Variants in MAP4K3 observed in about 807,000 individuals in gnomAD.
The protein encoded by MAP4K3 is mitogen-activated protein kinase kinase kinase kinase 3.
Under a neutral mutation model 143.5 loss-of-function variants are expected in MAP4K3, and 94 were observed. The observed-to-expected ratio is 0.65, with a 90% confidence interval of 0.55 to 0.78. The LOEUF (loss-of-function observed/expected upper bound fraction) is 0.78. Ranked by LOEUF, MAP4K3 falls within the 30% of genes least tolerant of loss-of-function variation. The probability of loss-of-function intolerance (pLI) is 0.00; values close to 1 mark genes in which losing one functional copy is unlikely to be tolerated. For synonymous variants in MAP4K3, 416 were observed against 347.2 expected (o/e 1.20, Z -2.20); for missense variants, 1,077 against 1,068.1 (o/e 1.01, Z -0.12).
intron 1 of MAP4K3, among the ~76,000 whole-genome samples, chr2:39,399,358 A>T (rs959218712): frequency 6.6e-6 from 1 of 152,244 alleles, no homozygotes; most frequent in Admixed American, 6.5e-5. Flanking sequence ...GGATTATGCT[A>T]AAACTGGTAG....
chr2:39,348,516 A>C (rs2148542025), intron 3 of MAP4K3, among the ~76,000 whole-genome samples: 1 of 152,270 alleles, frequency 6.6e-6, no homozygotes, highest in South Asian at 2.1e-4. Context: ...TATAATGACA[A>C]ATCTACATTT....
At chr2:39,410,479 T>A (rs1469036683) in intron 1 of MAP4K3, among the ~76,000 whole-genome samples, 2 of 152,206 alleles carry the variant, frequency 1.3e-5, no homozygotes, top group Non-Finnish European at 2.9e-5. Flanking sequence ...TCTTTGCTAA[T>A]ACATTATAAT....
At chr2:39,263,494 TG>T (rs1460882146) in intron 28 of MAP4K3, among the ~76,000 whole-genome samples, 1 of 150,086 alleles carries the variant, frequency 6.7e-6, no homozygotes, top group African/African-American at 2.4e-5. Flanking sequence ...TTAGCCAGGA[TG>T]GTCTCGATCT....
intron 12 of MAP4K3, chr2:39,315,655 C>A: frequency 2.5e-6 from 1 of 394,086 alleles, no homozygotes; most frequent in Non-Finnish European, 4.6e-6. Flanking sequence ...AAATTAAACA[C>A]AATTAGTAAC....
At chr2:39,380,731 C>A (rs1405624059) in intron 1 of MAP4K3, among the ~76,000 whole-genome samples, 1 of 152,098 alleles carries the variant, frequency 6.6e-6, no homozygotes, top group Non-Finnish European at 1.5e-5. Flanking sequence ...GGGTACAACA[C>A]ATCATTGCTT....
At chr2:39,389,234 G>A (rs368280980) in intron 1 of MAP4K3, among the ~76,000 whole-genome samples, 1 of 151,982 alleles carries the variant, frequency 6.6e-6, no homozygotes, top group South Asian at 2.1e-4. Context: ...CCTAACTGGT[G>A]TACACAGACA....
chr2:39,381,629 C>T (rs1052822348), intron 1 of MAP4K3, among the ~76,000 whole-genome samples: 5 of 151,988 alleles, frequency 3.3e-5, no homozygotes, highest in Admixed American at 2.0e-4. Flanking sequence ...CTTAAATTTA[C>T]GTCTATAATC....
rs1336190816 is a variant in MAP4K3 at position 39,282,564 on chromosome 2, G to C, written c.1588-10C>G. 6.2e-7 allele frequency: 1 copy of C among 1,605,492 alleles called. No homozygotes were observed. Among genetic ancestry groups the C allele is most frequent in the Non-Finnish European group, 8.5e-7 (1 of 1,173,690 alleles). ...CATTACTAATAGGCTTCTAGAAAAA[G>C]AACACATGTATGATTACACTTTTTT... On this transcript the variant is annotated splice_polypyrimidine_tract_variant and intron_variant, in intron 21 of 33. Transcript: ENST00000263881.
chr2:39,340,874 A>G (rs1371285453), intron 4 of MAP4K3, among the ~76,000 whole-genome samples: 3 of 152,200 alleles, frequency 2.0e-5, no homozygotes, highest in African/African-American at 7.2e-5. Context: ...TGGAAGATAG[A>G]TATGAGTATC....
chr2:39,390,035 A>G (rs1666610671), intron 1 of MAP4K3, among the ~76,000 whole-genome samples: 1 of 152,188 alleles, frequency 6.6e-6, no homozygotes, highest in African/African-American at 2.4e-5. Context: ...GTCTTAGGTT[A>G]GGTATGTATA....
chr2:39,343,717 C>A (rs1278430225), intron 3 of MAP4K3, among the ~76,000 whole-genome samples: 1 of 152,092 alleles, frequency 6.6e-6, no homozygotes, highest in Non-Finnish European at 1.5e-5. Context: ...GAAAATACTT[C>A]CCTTTAGTTA....
At chr2:39,424,876 A>G (rs898322386) in intron 1 of MAP4K3, among the ~76,000 whole-genome samples, 13 of 151,260 alleles carry the variant, frequency 8.6e-5, no homozygotes, top group African/African-American at 3.2e-4. Context: ...GCACAAGAGG[A>G]TAACAACAAA....
In MAP4K3 at chr2:39,282,537, A is replaced by T. The variant is rs768939055; in HGVS notation, c.1605T>A (p.Gly535=). 16 of 1,611,716 alleles carry T rather than the reference A, an allele frequency of 9.9e-6. No individual in the cohort carries two copies. ...KKDVPKPISN[G]LPPTPKVHMG... Reference sequence around the variant, plus strand: ...CATGCACTTTAGGTGTTGGAGGAAGACCATTACTAATAGGCTTCTAGAAAA... The same window carrying T: ...CATGCACTTTAGGTGTTGGAGGAAGTCCATTACTAATAGGCTTCTAGAAAA... Residue 535 remains glycine (G), a synonymous_variant, in exon 22 of 34, where the codon GGT becomes GGA. Coordinates refer to ENST00000263881, the MANE Select transcript of MAP4K3 (RefSeq NM_003618.4).
rs1056844678 is a variant in MAP4K3 at position 39,252,089 on chromosome 2, A to G, written c.2542-204T>C. The stretch of plus-strand genomic sequence containing the variant: ...TGGTTAATTTTGAGTTAATCATAAA[A>G]TGCAGGCAAAGGAAAATGATTTCCT... On this transcript the variant is annotated intron_variant, in intron 32 of 33. Transcript: ENST00000263881. 3.3e-5 allele frequency among the ~76,000 whole-genome samples: 5 copies of G among 152,364 alleles called. No individual in the cohort carries two copies. The East Asian group carries it at 7.7e-4, about 23-fold the overall frequency.
At chr2:39,263,935 G>A (rs1452024484) in intron 28 of MAP4K3, among the ~76,000 whole-genome samples, 2 of 152,080 alleles carry the variant, frequency 1.3e-5, no homozygotes, top group Non-Finnish European at 2.9e-5. Context: ...AGCATAAATG[G>A]TTTACCATAT....
chr2:39,337,377 C>A (rs1464818556), intron 5 of MAP4K3, 149 bp downstream of exon 5: 3 of 529,294 alleles, frequency 5.7e-6, no homozygotes, highest in South Asian at 7.0e-5. Context: ...AATTTGAGTT[C>A]ATTACACAAT....
intron 1 of MAP4K3, among the ~76,000 whole-genome samples, 171 bp from the exon 2 acceptor site, chr2:39,378,294 T>G (rs765105894): frequency 1.3e-5 from 2 of 152,202 alleles, no homozygotes; most frequent in Non-Finnish European, 2.9e-5. Context: ...ATTTCAACAT[T>G]TATGTATAAA....
chr2:39,302,515 T>C (rs1406344448), intron 15 of MAP4K3, among the ~76,000 whole-genome samples: 2 of 152,216 alleles, frequency 1.3e-5, no homozygotes, highest in East Asian at 1.9e-4. Flanking sequence ...TAGTAGTTCA[T>C]TATATGTCGT....
chr2:39,420,835 G>A (rs991182073), intron 1 of MAP4K3, among the ~76,000 whole-genome samples: 1 of 152,072 alleles, frequency 6.6e-6, no homozygotes, highest in Admixed American at 6.5e-5. Context: ...TTATTCTCAG[G>A]TGTCCACTAT....
Sources: allele counts gnomAD v4.1 joint callset (sites outside exome capture counted in the v4.1 genomes callset), GRCh38; gene constraint gnomAD v4.1.1; transcripts MANE v1.5; gene names NCBI Gene and HGNC (gene_info 2026-07-23, HGNC 2026-07-21).